ATG7: variants seen among roughly 807,000 people sequenced by gnomAD.
The protein encoded by ATG7 is ubiquitin-like modifier-activating enzyme ATG7.
ATG7 carries 70 observed loss-of-function variants against 82.4 expected under a neutral mutation model. The observed-to-expected ratio is 0.85, with a 90% CI of 0.70 to 1.04. The LOEUF is 1.04. Among genes scored for constraint, ATG7 ranks in the 50% least tolerant of loss-of-function variants. The probability of loss-of-function intolerance (pLI) is 0.00; values close to 1 mark genes in which losing one functional copy is unlikely to be tolerated. For synonymous variants in ATG7, 287 were observed against 313.0 expected (o/e 0.92, Z 0.88); for missense variants, 792 against 864.3 (o/e 0.92, Z 1.05).
intron 20 of ATG7, among the ~76,000 whole-genome samples, chr3:11,467,514 T>A (rs57537639): frequency 0.012 from 1,804 of 152,252 alleles, 35 homozygotes; most frequent in African/African-American, 0.041. Context: ...GTAGCTGGAT[T>A]ATAGGCATCC....
chr3:11,489,816 G>A (rs1279155106), intron 20 of ATG7, among the ~76,000 whole-genome samples: 1 of 151,900 alleles, frequency 6.6e-6, no homozygotes, highest in Non-Finnish European at 1.5e-5. Flanking sequence ...CTGAGTTCTA[G>A]TTTGATTGCA....
At chr3:11,281,696 C>T (rs1212800885) in intron 2 of ATG7, among the ~76,000 whole-genome samples, 2 of 149,080 alleles carry the variant, frequency 1.3e-5, no homozygotes, top group African/African-American at 2.5e-5. Flanking sequence ...ATTGCTTGAA[C>T]GTGGGAGGCA....
At chr3:11,565,133 CGT>C in the ATG7 span, 1 of 1,087,192 alleles carries the variant, frequency 9.2e-7, no homozygotes, top group Non-Finnish European at 1.2e-6. This position sits in a 1 kb window ranked among gnomAD's most constrained non-coding sequence, Gnocchi z 4.1. Flanking sequence ...AAGCTCAGGT[CGT>C]GTGGCTGGGC....
At chr3:11,514,834 G>C (rs1187524563) in intron 20 of ATG7, among the ~76,000 whole-genome samples, 1 of 151,062 alleles carries the variant, frequency 6.6e-6, no homozygotes, top group Non-Finnish European at 1.5e-5. Context: ...AGTGCATCTG[G>C]TCTAGGTTTT....
intron 20 of ATG7, among the ~76,000 whole-genome samples, chr3:11,514,600 G>T (rs1346397456): frequency 6.6e-6 from 1 of 152,232 alleles, no homozygotes; most frequent in Admixed American, 6.5e-5. Context: ...ATTCTGCCGG[G>T]TAAGCCACTA....
intron 18 of ATG7, among the ~76,000 whole-genome samples, chr3:11,367,619 T>C (rs1282312876): frequency 6.6e-6 from 1 of 152,200 alleles, no homozygotes; most frequent in Non-Finnish European, 1.5e-5. Flanking sequence ...AGGCAGAATT[T>C]GGCCCATCCA....
At chr3:11,395,856 C>T (rs907038719) in intron 19 of ATG7, among the ~76,000 whole-genome samples, 2 of 142,518 alleles carry the variant, frequency 1.4e-5, no homozygotes, top group Non-Finnish European at 3.0e-5. Flanking sequence ...AGGAGAATGG[C>T]GTGAACCGAG....
the ATG7 span, among the ~76,000 whole-genome samples, chr3:11,575,315 G>A: frequency 2.7e-3 from 412 of 152,290 alleles, 2 homozygotes; most frequent in African/African-American, 9.4e-3. Flanking sequence ...CTCTAACTGC[G>A]CCAAGGGTTT....
At chr3:11,444,971 GT>G (rs1423864418) in intron 20 of ATG7, among the ~76,000 whole-genome samples, 3 of 152,176 alleles carry the variant, frequency 2.0e-5, no homozygotes, top group African/African-American at 7.2e-5. Context: ...ATCATCACTA[GT>G]CATTAGAGAA....
chr3:11,354,950 G>C (rs1453321865), intron 14 of ATG7, among the ~76,000 whole-genome samples: 2 of 152,244 alleles, frequency 1.3e-5, no homozygotes, highest in Non-Finnish European at 2.9e-5. Context: ...GCCATAGCCC[G>C]TGAGAGCCCA....
At chr3:11,566,102 G>A in the ATG7 span, among the ~76,000 whole-genome samples, 1 of 152,222 alleles carries the variant, frequency 6.6e-6, no homozygotes, top group African/African-American at 2.4e-5. Context: ...CTGCCCTGGT[G>A]AAGCAGCAGC....
Position 11,399,708 on chromosome 3 carries a change from G to A in ATG7, c.1956+19656G>A, listed in dbSNP as rs532403358. Among the ~76,000 whole-genome samples the A allele has an allele frequency of 1.4e-4, 22 of 152,224 alleles. No individual in the cohort carries two copies. The South Asian group carries it at 3.7e-3, about 26-fold the overall frequency. ...TCCTGCCTCAGCCTCCCGAGTAGCC[G>A]GGATTATAGGCATAAGCCACCATGC... On this transcript the variant is annotated intron_variant, in intron 19 of 20. Transcript: ENST00000693202.
At chr3:11,401,781 T>G (rs2152896566) in intron 19 of ATG7, among the ~76,000 whole-genome samples, 1 of 152,336 alleles carries the variant, frequency 6.6e-6, no homozygotes, top group East Asian at 1.9e-4. Flanking sequence ...GCCTACAGAC[T>G]ATAAGCTCTA....
intron 20 of ATG7, among the ~76,000 whole-genome samples, chr3:11,434,322 C>T (rs997902908): frequency 2.0e-5 from 3 of 152,248 alleles, no homozygotes; most frequent in Non-Finnish European, 4.4e-5. Flanking sequence ...TGTCAGCACT[C>T]AGACCTGTTT....
rs1044210894 is a variant in ATG7 at position 11,342,390 on chromosome 3, C to G, written c.1125+111C>G. 2.5e-5 allele frequency: 32 copies of G among 1,295,310 alleles called. No individual in the cohort carries two copies. In the African/African-American group the frequency reaches 4.8e-4, roughly 19 times the overall value. The allele number at this position is 1,295,310 out of a possible 1,614,324, so 80.2% of individuals were successfully genotyped here. On this transcript the variant is annotated intron_variant, in intron 13 of 20. Coordinates refer to ENST00000693202, the MANE Select transcript of ATG7 (RefSeq NM_001349232.2). ...CCAGCTCCCCATCCCCTCCATCTCT[C>G]CCTCCCTTCCTTTTTCCTTTTCTTA...
intron 9 of ATG7, among the ~76,000 whole-genome samples, chr3:11,328,191 G>A (rs1343001034): frequency 6.6e-6 from 1 of 152,180 alleles, no homozygotes; most frequent in Non-Finnish European, 1.5e-5. Context: ...CTATGTATGT[G>A]CTGGACTTTT....
At chr3:11,481,200 G>A (rs540324101) in intron 20 of ATG7, among the ~76,000 whole-genome samples, 11 of 152,344 alleles carry the variant, frequency 7.2e-5, no homozygotes, top group Non-Finnish European at 1.5e-4. Flanking sequence ...ACCGGTACAA[G>A]GTTTCAGCTG....
At chr3:11,573,312 GAAGGAAGAAAGA>G in the ATG7 span, among the ~76,000 whole-genome samples, 11 of 9,832 alleles carry the variant, frequency 1.1e-3, 3 homozygotes, top group Admixed American at 3.1e-3. Flanking sequence ...AGAAAGGAAG[GAAGGAAGAAAGA>G]AAGAAAGAAA....
intron 3 of ATG7, among the ~76,000 whole-genome samples, chr3:11,290,923 T>C (rs1944884623): frequency 6.6e-6 from 1 of 152,178 alleles, no homozygotes; most frequent in Non-Finnish European, 1.5e-5. Flanking sequence ...TACCAAGTGA[T>C]CCACCCACCT....
Sources: allele counts gnomAD v4.1 joint callset (sites outside exome capture counted in the v4.1 genomes callset), GRCh38; gene constraint gnomAD v4.1.1; non-coding constraint Gnocchi (gnomAD v3.1); transcripts MANE v1.5; gene names NCBI Gene and HGNC (gene_info 2026-07-23, HGNC 2026-07-21).